Variants in RANGAP1 observed in about 807,000 individuals in gnomAD.
RANGAP1 encodes the protein ran GTPase-activating protein 1.
RANGAP1 carries 38 observed loss-of-function variants against 63.5 expected under a neutral mutation model. That is an observed-to-expected ratio of 0.60 (90% CI 0.46 to 0.78). The LOEUF (loss-of-function observed/expected upper bound fraction) is 0.78, where lower values mean the gene tolerates loss of function less well. RANGAP1 is among the 30% of genes least tolerant of loss of function. The pLI is 0.00. For synonymous variants in RANGAP1, 329 were observed against 310.5 expected (o/e 1.06, Z -0.63); for missense variants, 630 against 740.3 (o/e 0.85, Z 1.73).
chr22:41,275,566 G>C (rs2035086642), intron 2 of RANGAP1, among the ~76,000 whole-genome samples: 2 of 151,786 alleles, frequency 1.3e-5, no homozygotes, highest in African/African-American at 4.8e-5. Flanking sequence ...GGATCACAAG[G>C]TCAGGAGTTC....
At chr22:41,299,290 G>A in the RANGAP1 span, among the ~76,000 whole-genome samples, 2 of 151,990 alleles carry the variant, frequency 1.3e-5, no homozygotes, top group Non-Finnish European at 2.9e-5. Context: ...CCGCCACCAT[G>A]CCTGGCTAAT....
intron 2 of RANGAP1, among the ~76,000 whole-genome samples, chr22:41,280,297 A>G (rs1228404648): frequency 6.6e-6 from 1 of 152,186 alleles, no homozygotes; most frequent in Non-Finnish European, 1.5e-5. Context: ...GAATCCCAGG[A>G]GGCCTCACTT....
rs370232236 is a variant in RANGAP1 at position 41,257,915 on chromosome 22, G to A, written c.774+33C>T. On this transcript the variant is annotated intron_variant, in intron 7 of 15. Coordinates refer to ENST00000356244, the MANE Select transcript of RANGAP1 (RefSeq NM_002883.4). This position sits in a 1 kb window ranked among gnomAD's most constrained non-coding sequence, Gnocchi z 4.0. ...AGACAGCAGCCAGCCTCTATCTGGCGGGGCCCAACTGGCTCTGCCACACTC... is the reference window on the plus strand; with the variant it reads ...AGACAGCAGCCAGCCTCTATCTGGCAGGGCCCAACTGGCTCTGCCACACTC... The A allele has an allele frequency of 3.8e-6, 6 of 1,566,880 alleles. No individual in the cohort carries two copies. The highest frequency in any genetic ancestry group is 2.7e-5 in the African/African-American group (2 of 73,944).
At position 41,264,980 on chromosome 22, in the gene RANGAP1, A is replaced by T. The variant is rs1601646685; in HGVS notation, c.301-137T>A. On this transcript the variant is annotated intron_variant, in intron 4 of 15. Transcript: ENST00000356244. ...AACCAACACAGACACAAACCATTTC[A>T]GTATTCTTAAGACTGGAAACCCTGC... 4 of 828,846 alleles carry T rather than the reference A, an allele frequency of 4.8e-6. No individual in the cohort carries two copies. In the East Asian group the frequency reaches 1.0e-4, roughly 22 times the overall value. The allele number at this position is 828,846 out of a possible 1,614,324, so 51.3% of individuals were successfully genotyped here.
At chr22:41,263,435 A>G (rs945287267) in intron 5 of RANGAP1, among the ~76,000 whole-genome samples, 2 of 152,098 alleles carry the variant, frequency 1.3e-5, no homozygotes, top group African/African-American at 2.4e-5. Context: ...CCCAGGCTGG[A>G]GTGCAGTGGC....
chr22:41,249,723 C>T lies in RANGAP1; in HGVS notation c.1572+6G>A. On this transcript the variant is annotated splice_donor_region_variant and intron_variant, in intron 14 of 15. Transcript: ENST00000356244. ...CTCCCGGGCCTGCTGTTCCTTCCGG[C>T]CTCACCTTGAGCAGACCCATGTGCA... 1.2e-6 allele frequency: 2 copies of T among 1,611,302 alleles called. No individual in the cohort carries two copies. The highest frequency in any genetic ancestry group is 1.7e-6 in the Non-Finnish European group (2 of 1,177,488).
chr22:41,265,441 G>A (rs993524743), intron 4 of RANGAP1, among the ~76,000 whole-genome samples: 1 of 152,248 alleles, frequency 6.6e-6, no homozygotes, highest in African/African-American at 2.4e-5. Flanking sequence ...ACTGGCAACA[G>A]AGGGGACCTG....
chr22:41,275,471 G>A (rs2035080580), intron 2 of RANGAP1, among the ~76,000 whole-genome samples: 1 of 151,350 alleles, frequency 6.6e-6, no homozygotes, highest in Non-Finnish European at 1.5e-5. Flanking sequence ...CAGCCTGGGA[G>A]ACACAGCAAG....
At chr22:41,302,163 AC>A in the RANGAP1 span, among the ~76,000 whole-genome samples, 1 of 149,642 alleles carries the variant, frequency 6.7e-6, no homozygotes, top group Admixed American at 6.6e-5. The surrounding 1 kb of genome is among the most constrained non-coding windows in gnomAD (Gnocchi z 5.7). Flanking sequence ...TGCTTTGCCG[AC>A]CCCGCGCAGG....
the RANGAP1 span, among the ~76,000 whole-genome samples, chr22:41,300,430 A>T: frequency 1.1e-4 from 4 of 35,206 alleles, no homozygotes; most frequent in Admixed American, 8.4e-4. Context: ...TTGGGAACTC[A>T]CACACACACA....
At chr22:41,273,333 G>C (rs1182372528) in intron 3 of RANGAP1, among the ~76,000 whole-genome samples, 1 of 152,186 alleles carries the variant, frequency 6.6e-6, no homozygotes, top group African/African-American at 2.4e-5. Context: ...CCAACGCTTT[G>C]AACATGACAC....
In RANGAP1 at chr22:41,251,106, C is replaced by A. The variant is rs534737756; in HGVS notation, c.1384G>T (p.Asp462Tyr). 6.2e-7 allele frequency: 1 copy of A among 1,613,044 alleles called. No individual in the cohort carries two copies. Among genetic ancestry groups the A allele is most frequent in the Non-Finnish European group, 8.5e-7 (1 of 1,179,248 alleles). Residue 462 changes from aspartate (D) to tyrosine (Y), a missense_variant, in exon 13 of 16, where the codon GAC becomes TAC. By Grantham distance (160) the Asp-to-Tyr change is radical (BLOSUM62 -3). This residue lies in a region of RANGAP1 where 428 missense variants were observed against 465.5 expected (regional missense o/e 0.92). Coordinates refer to ENST00000356244, the MANE Select transcript of RANGAP1 (RefSeq NM_002883.4). ...ACCACCTTCTCGGGGTCAGACGTGT[C>A]AGTCTGAGGACAAAAGAGACAATGG... ...KSSVLIAQQT[D>Y]TSDPEKVVSA... is the part of the protein sequence containing the mutation.
Position 41,281,050 on chromosome 22 carries a change from C to T in RANGAP1, c.-6G>A. The stretch of plus-strand genomic sequence containing the variant: ...GCAATGTCTTCCGAGGCCATGTTGA[C>T]TAGGCTGGTGGGCTCCCCTGGAGAT... On this transcript the variant is annotated 5_prime_UTR_variant, in exon 2 of 16. Transcript: ENST00000356244. 1 of 1,591,316 alleles carries T rather than the reference C, an allele frequency of 6.3e-7. No homozygotes were observed. The highest frequency in any genetic ancestry group is 1.3e-5 in the African/African-American group (1 of 74,602).
the RANGAP1 span, among the ~76,000 whole-genome samples, chr22:41,299,791 G>T: frequency 0.024 from 3,566 of 150,608 alleles, 143 homozygotes; most frequent in African/African-American, 0.079. Flanking sequence ...TCACTCTGTC[G>T]CCCAGGCTGG....
chr22:41,263,478 G>A (rs1601640078), intron 5 of RANGAP1, among the ~76,000 whole-genome samples: 1 of 152,078 alleles, frequency 6.6e-6, no homozygotes, highest in Non-Finnish European at 1.5e-5. Context: ...TCCACCTCCC[G>A]GGTTCGAGCA....
chr22:41,257,041 G>C lies in RANGAP1; in HGVS notation c.775-217C>G, dbSNP rs769185830. Reference sequence around the variant, plus strand: ...ATGTTACGGCCAGAACTCTTCCTGAGACCAACCAAGCAAGGTTCCTGCTGA... The same window carrying C: ...ATGTTACGGCCAGAACTCTTCCTGACACCAACCAAGCAAGGTTCCTGCTGA... On this transcript the variant is annotated intron_variant, in intron 7 of 15. Coordinates refer to ENST00000356244, the MANE Select transcript of RANGAP1 (RefSeq NM_002883.4). This position sits in a 1 kb window ranked among gnomAD's most constrained non-coding sequence, Gnocchi z 4.0. Among the ~76,000 whole-genome samples, 1 of 151,916 alleles carries C rather than the reference G, an allele frequency of 6.6e-6. No homozygotes were observed. Among genetic ancestry groups the C allele is most frequent in the African/African-American group, 2.4e-5 (1 of 41,332 alleles).
At chr22:41,268,071 AG>A (rs1262140616) in intron 4 of RANGAP1, 25 bp downstream of exon 4, 2 of 1,513,956 alleles carry the variant, frequency 1.3e-6, no homozygotes, top group African/African-American at 1.4e-5. Context: ...TTGCGCGTGG[AG>A]GGGAAGAGCG....
rs147394846 is a variant in RANGAP1 at position 41,249,801 on chromosome 22, C to G, written c.1500G>C (p.Lys500Asn). 1.2e-6 allele frequency: 2 copies of G among 1,614,054 alleles called. No homozygotes were observed. Among genetic ancestry groups the G allele is most frequent in the Admixed American group, 1.7e-5 (1 of 60,032 alleles). Reference sequence around the variant, plus strand: ...AGTTGAAGGACGAGGAGTTGAAAGCCTTCTGCATCAGGGCATCTGTAGGGC... The same window carrying G: ...AGTTGAAGGACGAGGAGTTGAAAGCGTTCTGCATCAGGGCATCTGTAGGGC... The part of the protein sequence containing the change: ...VQDAVDALMQ[K>N]AFNSSSFNSN... Residue 500 changes from lysine (K) to asparagine (N), a missense_variant, in exon 14 of 16, where the codon AAG becomes AAC. Physicochemically the swap from Lys to Asn is moderately conservative, Grantham distance 94. Transcript: ENST00000356244.
chr22:41,275,593 A>G (rs769459089), intron 2 of RANGAP1, among the ~76,000 whole-genome samples: 1 of 151,868 alleles, frequency 6.6e-6, no homozygotes, highest in African/African-American at 2.4e-5. Context: ...AGCCTGACCA[A>G]TATAGTGAAA....
Sources: gnomAD v4.1 joint callset for allele counts (sites outside exome capture counted in the v4.1 genomes callset) on GRCh38, gnomAD v4.1.1 for gene constraint, gnomAD v4.1.1 regional missense constraint, Gnocchi (gnomAD v3.1) non-coding constraint, MANE v1.5 for transcripts, NCBI Gene and HGNC (gene_info 2026-07-23, HGNC 2026-07-21) for gene names.